VRK2: variants seen among roughly 807,000 people sequenced by gnomAD.
VRK2 encodes VRK serine/threonine kinase 2, also known as serine/threonine-protein kinase VRK2.
Under a neutral mutation model 57.6 loss-of-function variants are expected in VRK2, and 60 were observed. The observed-to-expected ratio is 1.04, with a 90% CI of 0.85 to 1.29. The LOEUF (loss-of-function observed/expected upper bound fraction) is 1.29. Among genes scored for constraint, VRK2 ranks in the 50% most tolerant of loss-of-function variants. The pLI is 0.00. For synonymous variants in VRK2, 231 were observed against 199.2 expected (o/e 1.16, Z -1.35); for missense variants, 705 against 588.1 (o/e 1.20, Z -2.06).
intron 1 of VRK2, among the ~76,000 whole-genome samples, chr2:57,917,636 T>C (rs1296339150): frequency 6.6e-6 from 1 of 151,308 alleles, no homozygotes; most frequent in Non-Finnish European, 1.5e-5. Flanking sequence ...TAATGGTATC[T>C]AGATATTTTA....
chr2:58,006,395 A>G (rs1673245849), intron 1 of VRK2, among the ~76,000 whole-genome samples: 1 of 152,170 alleles, frequency 6.6e-6, no homozygotes, highest in African/African-American at 2.4e-5. Flanking sequence ...TAGTGGAAAG[A>G]ATTCAAAGTC....
intron 1 of VRK2, among the ~76,000 whole-genome samples, chr2:57,954,089 G>C (rs1439584840): frequency 6.6e-6 from 1 of 151,988 alleles, no homozygotes. Flanking sequence ...TTCACTATTT[G>C]ACTCTACATA....
chr2:58,078,846 T>C (rs75080034), intron 2 of VRK2, among the ~76,000 whole-genome samples: 2,031 of 152,170 alleles, frequency 0.013, 64 homozygotes, highest in Admixed American at 0.082. Flanking sequence ...TTGCCCATTT[T>C]TTATTATTTT....
At chr2:58,040,670 G>C (rs377683703) in intron 3 of VRK2, among the ~76,000 whole-genome samples, 59 of 152,328 alleles carry the variant, frequency 3.9e-4, no homozygotes, top group African/African-American at 1.3e-3. Context: ...GAATGTCAGA[G>C]ATAGAGCTGT....
chr2:57,936,202 A>G (rs1337010309), intron 1 of VRK2, among the ~76,000 whole-genome samples: 11 of 152,256 alleles, frequency 7.2e-5, no homozygotes, highest in Admixed American at 7.2e-4. Flanking sequence ...GGACCAAACT[A>G]AAACTTTAAC....
At chr2:58,116,271 T>TG (rs1410552295) in intron 7 of VRK2, among the ~76,000 whole-genome samples, 2 of 150,892 alleles carry the variant, frequency 1.3e-5, no homozygotes, top group African/African-American at 4.9e-5. Flanking sequence ...TGGGTTAAGG[T>TG]GGGGGAATAC....
intron 1 of VRK2, among the ~76,000 whole-genome samples, chr2:57,982,907 C>A (rs1221635059): frequency 6.6e-6 from 1 of 152,188 alleles, no homozygotes; most frequent in East Asian, 1.9e-4. Context: ...TGCCAACTCT[C>A]TAGATAGTTC....
At chr2:57,923,479 A>C (rs908243941) in intron 1 of VRK2, among the ~76,000 whole-genome samples, 1 of 151,672 alleles carries the variant, frequency 6.6e-6, no homozygotes, top group Non-Finnish European at 1.5e-5. Context: ...CCTGATGACC[A>C]ATGATGTTGA....
intron 12 of VRK2, among the ~76,000 whole-genome samples, chr2:58,155,900 T>C (rs78134452): frequency 2.8e-4 from 42 of 149,468 alleles, no homozygotes; most frequent in African/African-American, 9.9e-4. Flanking sequence ...ATTGGTTACA[T>C]AGAGCATGTT....
chr2:58,035,085 TAGAAG>T (rs1188328121), intron 3 of VRK2, among the ~76,000 whole-genome samples: 25 of 152,186 alleles, frequency 1.6e-4, no homozygotes, highest in Non-Finnish European at 1.5e-5. Context: ...ATTGCTTTCC[TAGAAG>T]AGGATGTTTG....
chr2:58,046,638 G>A (rs1572830073), upstream of VRK2: 3 of 985,582 alleles, frequency 3.0e-6, no homozygotes, highest in Non-Finnish European at 3.6e-6. Context: ...GGCGTCTCCG[G>A]GGCGTGGACA....
rs544452410 is a variant in VRK2 at position 58,103,570 on chromosome 2, A to G, written c.543+13847A>G. On this transcript the variant is annotated intron_variant, in intron 7 of 12. Transcript: ENST00000340157. The stretch of plus-strand genomic sequence containing the variant: ...AAGAAATAGAAATCCTGAAGAGACC[A>G]ATACGAAAGTAGCGAGATAGAATCG... Among the ~76,000 whole-genome samples the G allele has an allele frequency of 2.6e-5, 4 of 151,916 alleles. 1 individual carries two copies. Among genetic ancestry groups the G allele is most frequent in the African/African-American group, 9.6e-5 (4 of 41,544 alleles).
intron 1 of VRK2, among the ~76,000 whole-genome samples, chr2:57,959,102 T>G (rs949654191): frequency 2.0e-5 from 3 of 152,234 alleles, no homozygotes; most frequent in African/African-American, 7.2e-5. Flanking sequence ...CGATTCACTA[T>G]GACTAAAATT....
chr2:57,991,558 C>T (rs1219728223), intron 1 of VRK2, among the ~76,000 whole-genome samples: 1 of 152,074 alleles, frequency 6.6e-6, no homozygotes, highest in Non-Finnish European at 1.5e-5. Context: ...AAAGAATGTT[C>T]ATAGACATAT....
At chr2:58,043,719 G>A (rs1035431615), upstream of VRK2, among the ~76,000 whole-genome samples, 6 of 152,112 alleles carry the variant, frequency 3.9e-5, no homozygotes, top group Admixed American at 1.3e-4. Context: ...GTCTTTGTGT[G>A]GATACAGGTT....
chr2:58,079,548 ACT>A (rs1207538929), intron 2 of VRK2, among the ~76,000 whole-genome samples: 2 of 151,762 alleles, frequency 1.3e-5, no homozygotes, highest in Non-Finnish European at 2.9e-5. Context: ...AGCTGTATCA[ACT>A]CTCTCATTTA....
intron 3 of VRK2, chr2:58,033,735 A>G (rs1388238674): frequency 6.6e-6 from 1 of 151,982 alleles, no homozygotes; most frequent in Non-Finnish European, 1.5e-5. Flanking sequence ...CAGCAAATTT[A>G]TTTTTAAAAG....
chr2:57,995,459 T>C (rs1334321848), intron 1 of VRK2, among the ~76,000 whole-genome samples: 1 of 152,216 alleles, frequency 6.6e-6, no homozygotes, highest in East Asian at 1.9e-4. Flanking sequence ...GTGAGTTGTT[T>C]TCCTTGAAGC....
chr2:58,063,208 A>G (rs1362251842), intron 2 of VRK2, among the ~76,000 whole-genome samples: 1 of 150,058 alleles, frequency 6.7e-6, no homozygotes, highest in African/African-American at 2.4e-5. Context: ...TATTTTAAAA[A>G]TTGTGTATAT....
Sources: allele counts gnomAD v4.1 joint callset (sites outside exome capture counted in the v4.1 genomes callset), GRCh38; gene constraint gnomAD v4.1.1; transcripts MANE v1.5; gene names NCBI Gene and HGNC (gene_info 2026-07-23, HGNC 2026-07-21).